Variants in KCNC4 observed in about 807,000 individuals in gnomAD.
KCNC4 encodes the protein potassium voltage-gated channel subfamily C member 4.
In KCNC4, 23 loss-of-function variants were observed where a neutral mutation model predicts 42.8. The ratio of observed to expected loss-of-function variants is 0.54; its 90% CI spans 0.39 to 0.76. The LOEUF is 0.76. Among genes scored for constraint, KCNC4 ranks in the 30% least tolerant of loss-of-function variants. The pLI, the probability that KCNC4 is intolerant of heterozygous loss-of-function variation, is 0.00. For synonymous variants in KCNC4, 422 were observed against 393.5 expected (o/e 1.07, Z -0.86); for missense variants, 751 against 898.2 (o/e 0.84, Z 2.10).
intron 1 of KCNC4, chr1:110,221,232 A>G (rs980794492): frequency 6.6e-6 from 1 of 152,222 alleles, no homozygotes; most frequent in African/African-American, 2.4e-5. Flanking sequence ...ACGAAAAGGT[A>G]CAGCCTTTGA....
intron 1 of KCNC4, among the ~76,000 whole-genome samples, chr1:110,258,261 C>CG (rs1478083158): frequency 2.6e-5 from 4 of 151,962 alleles, no homozygotes; most frequent in Non-Finnish European, 5.9e-5. Flanking sequence ...TTTTTTGAGA[C>CG]GGAGTCTTGC....
At chr1:110,254,022 G>A (rs1173685436), downstream of KCNC4, among the ~76,000 whole-genome samples, 2 of 150,376 alleles carry the variant, frequency 1.3e-5, no homozygotes, top group Non-Finnish European at 3.0e-5. Flanking sequence ...CCTCTAGCAG[G>A]AAGGGGAAGG....
At position 110,255,285 on chromosome 1, in the gene KCNC4, G is replaced by A. The variant is rs191932741; in HGVS notation, n.31-27249G>A. 4.5e-3 allele frequency among the ~76,000 whole-genome samples: 692 copies of A among 152,200 alleles called. 5 individuals carry two copies. Among genetic ancestry groups the A allele is most frequent in the Middle Eastern group, 0.01 (3 of 294 alleles). On this transcript the variant is annotated intron_variant and non_coding_transcript_variant, in intron 1 of 2. Coordinates refer to the KCNC4 transcript ENST00000412512. Reference sequence around the variant, plus strand: ...AGATTCAATGTGCTCTCTGTTGGCCGTCCCCCTGGAACCCCCTGGTTTCCT... The same window carrying A: ...AGATTCAATGTGCTCTCTGTTGGCCATCCCCCTGGAACCCCCTGGTTTCCT...
At chr1:110,231,158 G>C (rs550107491) in intron 3 of KCNC4, among the ~76,000 whole-genome samples, 2 of 152,210 alleles carry the variant, frequency 1.3e-5, no homozygotes, top group Non-Finnish European at 2.9e-5. Flanking sequence ...CAGGGCTTCT[G>C]AGAGGTAGAA....
At chr1:110,232,811 CCTTT>C (rs1349475800) in intron 3 of KCNC4, 96 bp from the exon 4 acceptor site, 2 of 1,548,422 alleles carry the variant, frequency 1.3e-6, no homozygotes, top group Admixed American at 3.9e-5. Context: ...TTTGTTTCTC[CCTTT>C]CTTTTGCTGA....
chr1:110,249,823 A>G (rs549213645), downstream of KCNC4, among the ~76,000 whole-genome samples: 3 of 152,282 alleles, frequency 2.0e-5, no homozygotes, highest in East Asian at 1.9e-4. Flanking sequence ...TGTGCAACCT[A>G]TATAGCCATC....
Position 110,211,441 on chromosome 1 carries a change from T to G in KCNC4, c.-59T>G. 6.5e-7 allele frequency: 1 copy of G among 1,527,306 alleles called. No individual in the cohort carries two copies. The highest frequency in any genetic ancestry group is 8.8e-7 in the Non-Finnish European group (1 of 1,133,226). The allele number at this position is 1,527,306 out of a possible 1,614,324, so 94.6% of individuals were successfully genotyped here. On this transcript the variant is annotated 5_prime_UTR_variant, in exon 1 of 4. Coordinates refer to ENST00000438661, the MANE Select transcript of KCNC4 (RefSeq NM_001039574.3). This position sits in a 1 kb window ranked among gnomAD's most constrained non-coding sequence, Gnocchi z 6.5. ...CCCTCCCCCGTCTGACGCTGCCTCC[T>G]CGGGAAGGGTGTTTGGAGGGCAGCG... is the stretch of plus-strand genomic sequence containing the variant.
In KCNC4 at chr1:110,211,522, C is replaced by A. The variant is rs775490508; in HGVS notation, c.23C>A (p.Ser8Tyr). The A allele has an allele frequency of 1.2e-6, 2 of 1,613,890 alleles. No homozygotes were observed. The highest frequency in any genetic ancestry group is 1.7e-6 in the Non-Finnish European group (2 of 1,179,914). Residue 8 changes from serine to tyrosine, a missense_variant, in exon 1 of 4, where the codon TCC (serine) becomes TAC (tyrosine). Ser to Tyr is a moderately radical substitution (Grantham distance 144). Coordinates refer to ENST00000438661, the MANE Select transcript of KCNC4 (RefSeq NM_001039574.3). This position sits in a 1 kb window ranked among gnomAD's most constrained non-coding sequence, Gnocchi z 6.5. ...CTTATGATCAGCTCGGTGTGTGTCT[C>A]CTCCTACCGCGGGCGCAAGTCGGGG... MISSVCV[S>Y]SYRGRKSGNK...
downstream of KCNC4, chr1:110,283,199 A>T (rs1337584180): frequency 4.6e-5 from 7 of 152,170 alleles, no homozygotes; most frequent in African/African-American, 1.7e-4. Context: ...CACAGAGAGC[A>T]AGCGCTGACT....
downstream of KCNC4, among the ~76,000 whole-genome samples, chr1:110,253,180 CA>C (rs1659273708): frequency 6.6e-6 from 1 of 152,248 alleles, no homozygotes; most frequent in South Asian, 2.1e-4. Flanking sequence ...ATGCTGACCC[CA>C]TGCTGATCAT....
rs543075239 is a variant in KCNC4 at position 110,212,076 on chromosome 1, G to C, written c.577G>C (p.Glu193Gln). 7.1e-6 allele frequency: 11 copies of C among 1,541,452 alleles called. No individual in the cohort carries two copies. The East Asian group carries it at 2.7e-4, about 37-fold the overall frequency. Residue 193 changes from glutamate to glutamine, a missense_variant, in exon 1 of 4, where the codon GAG becomes CAG. By Grantham distance (29) the Glu-to-Gln change is conservative. Coordinates refer to ENST00000438661, the MANE Select transcript of KCNC4 (RefSeq NM_001039574.3). ...GGCCCTGCAGCGACTGGGCCCCCAC[G>C]AGGGAGGCGCGGGCCATGGCGCCGG... ...ELALQRLGPH[E>Q]GGAGHGAGSG...
At chr1:110,253,493 G>T (rs1254126264), downstream of KCNC4, among the ~76,000 whole-genome samples, 1 of 152,162 alleles carries the variant, frequency 6.6e-6, no homozygotes, top group Non-Finnish European at 1.5e-5. Context: ...GTATGTTATT[G>T]TTCAAAGCAT....
chr1:110,268,732 T>TA (rs575476059), intron 1 of KCNC4, among the ~76,000 whole-genome samples: 10 of 144,580 alleles, frequency 6.9e-5, no homozygotes, highest in African/African-American at 1.8e-4. Flanking sequence ...GAGATTTTAT[T>TA]TTTTTTTTTT....
At chr1:110,257,831 C>A (rs372255798) in intron 1 of KCNC4, among the ~76,000 whole-genome samples, 7 of 151,820 alleles carry the variant, frequency 4.6e-5, no homozygotes, top group Non-Finnish European at 8.8e-5. Context: ...GCATCACTGA[C>A]TTTTGCACAC....
At chr1:110,230,925 T>A (rs775442969) in intron 3 of KCNC4, among the ~76,000 whole-genome samples, 1 of 152,176 alleles carries the variant, frequency 6.6e-6, no homozygotes, top group Non-Finnish European at 1.5e-5. Context: ...GCCTTGAGCC[T>A]CCCTCCTTGA....
intron 1 of KCNC4, among the ~76,000 whole-genome samples, chr1:110,258,395 G>A (rs1659372265): frequency 6.6e-6 from 1 of 152,130 alleles, no homozygotes; most frequent in African/African-American, 2.4e-5. Context: ...ACGCCACCAT[G>A]CCCAGCTAAT....
At chr1:110,256,377 T>C (rs1237768870) in intron 1 of KCNC4, among the ~76,000 whole-genome samples, 1 of 152,214 alleles carries the variant, frequency 6.6e-6, no homozygotes. Flanking sequence ...GAATATTTAC[T>C]GTGACCCTCA....
At chr1:110,235,836 T>C (rs1427754511), downstream of KCNC4, 1 of 152,220 alleles carries the variant, frequency 6.6e-6, no homozygotes, top group African/African-American at 2.4e-5. Context: ...CAGACTTGGG[T>C]TTGAGTCCTG....
At position 110,223,137 on chromosome 1, in the gene KCNC4, C is replaced by G; in HGVS notation, c.852C>G (p.Ile284Met). The change falls in exon 2 of 4, where the codon ATC (isoleucine) becomes ATG (methionine). Residue 284 changes from isoleucine (I) to methionine (M), a missense_variant. This residue lies in a region of KCNC4 where 181 missense variants were observed against 167.3 expected (regional missense o/e 1.08). Transcript: ENST00000438661. This position sits in a 1 kb window ranked among gnomAD's most constrained non-coding sequence, Gnocchi z 7.5. ...EVETEPILTY[I>M]EGVCVLWFTL... Reference sequence around the variant, plus strand: ...AGACAGAGCCCATCCTGACCTACATCGAGGGCGTATGTGTGCTGTGGTTCA... The same window carrying G: ...AGACAGAGCCCATCCTGACCTACATGGAGGGCGTATGTGTGCTGTGGTTCA... 2 of 1,614,230 alleles carry G rather than the reference C, an allele frequency of 1.2e-6. No homozygotes were observed. Among genetic ancestry groups the G allele is most frequent in the Non-Finnish European group, 1.7e-6 (2 of 1,180,038 alleles).
Sources: allele counts gnomAD v4.1 joint callset (sites outside exome capture counted in the v4.1 genomes callset), GRCh38; gene constraint gnomAD v4.1.1; regional missense constraint gnomAD v4.1.1; non-coding constraint Gnocchi (gnomAD v3.1); transcripts MANE v1.5; gene names NCBI Gene and HGNC (gene_info 2026-07-23, HGNC 2026-07-21).